ZNF680: variants seen among roughly 807,000 people sequenced by gnomAD.
The protein encoded by ZNF680 is hypothetical protein FLJ90430.
ZNF680 carries 6 observed loss-of-function variants against 12.1 expected under a neutral mutation model. The observed-to-expected ratio is 0.49, with a 90% CI of 0.27 to 0.98. The LOEUF (loss-of-function observed/expected upper bound fraction) is 0.98, where lower values mean the gene tolerates loss of function less well. Among genes scored for constraint, ZNF680 ranks in the 50% least tolerant of loss-of-function variants. The pLI is 0.12. For synonymous variants in ZNF680, 170 were observed against 199.3 expected (o/e 0.85, Z 1.24); for missense variants, 561 against 616.3 (o/e 0.91, Z 0.95).
the ZNF680 span, chr7:64,501,618 GATGATGATA>G: frequency 1.2e-6 from 1 of 806,856 alleles, no homozygotes; most frequent in South Asian, 1.3e-5. Context: ...TCTACTGGAT[GATGATGATA>G]ATGAAGGTGG....
chr7:64,543,601 C>G, intron 3 of ZNF680, 106 bp downstream of exon 3: 2 of 966,104 alleles, frequency 2.1e-6, no homozygotes, highest in Non-Finnish European at 3.1e-6. Context: ...AAACTATTTT[C>G]TCTGGAACAT....
At chr7:64,531,489 C>CGGGTG (rs1562748151) in intron 3 of ZNF680, among the ~76,000 whole-genome samples, 1 of 148,268 alleles carries the variant, frequency 6.7e-6, no homozygotes, top group East Asian at 2.0e-4. Context: ...CCCAGCTACT[C>CGGGTG]GGGTGGTTGA....
At chr7:64,517,001 A>G (rs1791369021), downstream of ZNF680, among the ~76,000 whole-genome samples, 2 of 152,246 alleles carry the variant, frequency 1.3e-5, no homozygotes, top group South Asian at 2.1e-4. Flanking sequence ...TTAAATGTCT[A>G]CATCAAAAAG....
At chr7:64,546,943 T>C (rs962769475) in intron 1 of ZNF680, among the ~76,000 whole-genome samples, 8 of 152,128 alleles carry the variant, frequency 5.3e-5, no homozygotes, top group African/African-American at 1.9e-4. Flanking sequence ...CATACTTGAC[T>C]CTGTCCTCAT....
chr7:64,526,264 A>C (rs765454312), intron 3 of ZNF680: 66 of 1,135,058 alleles, frequency 5.8e-5, no homozygotes, highest in Admixed American at 1.5e-4. Context: ...ATTTTGATGC[A>C]GTAATAAAAT....
chr7:64,545,356 T>C (rs868822377), intron 1 of ZNF680, among the ~76,000 whole-genome samples: 62 of 148,940 alleles, frequency 4.2e-4, no homozygotes, highest in African/African-American at 1.4e-3. Context: ...CAAAGACATA[T>C]ATGCAAATAA....
chr7:64,548,420 C>A (rs1786891002), intron 1 of ZNF680, among the ~76,000 whole-genome samples: 1 of 152,174 alleles, frequency 6.6e-6, no homozygotes, highest in South Asian at 2.1e-4. Flanking sequence ...CTGCTTCAAC[C>A]ATTTATCCAG....
intron 1 of ZNF680, 145 bp from the exon 2 acceptor site, chr7:64,544,577 A>G: frequency 7.4e-7 from 1 of 1,356,556 alleles, no homozygotes; most frequent in Non-Finnish European, 9.6e-7. Flanking sequence ...GTCAAATTAT[A>G]CAATAAAATA....
In ZNF680 at chr7:64,521,614, A is replaced by T. The variant is rs371682049; in HGVS notation, c.1140T>A (p.Cys380Ter). The T allele has an allele frequency of 6.2e-7, 1 of 1,612,378 alleles. No homozygotes were observed. Among genetic ancestry groups the T allele is most frequent in the Non-Finnish European group, 8.5e-7 (1 of 1,179,694 alleles). Residue 380 changes from cysteine (C) to a stop codon, truncating the protein, a stop_gained, in exon 4 of 4, where the codon TGT becomes TGA. Coordinates refer to ENST00000309683, the MANE Select transcript of ZNF680 (RefSeq NM_178558.5). LOFTEE classifies it low-confidence loss of function (END_TRUNC). ...KIHTGEKSYK[C>*]EECGKAFIQS... Reference sequence around the variant, plus strand: ...GTATAAAAGCTTTGCCGCATTCTTCACATTTGTAGGATTTCTCTCCAGTAT... The same window carrying T: ...GTATAAAAGCTTTGCCGCATTCTTCTCATTTGTAGGATTTCTCTCCAGTAT...
chr7:64,520,348 C>T lies in ZNF680; in HGVS notation c.*813G>A, dbSNP rs1021566547. 1.3e-5 allele frequency: 2 copies of T among 151,808 alleles called. No individual in the cohort carries two copies. The highest frequency in any genetic ancestry group is 3.0e-5 in the Non-Finnish European group (2 of 67,694). 9.4% of individuals were successfully genotyped at this position (151,808 alleles called of 1,614,324 possible). A position where few individuals can be genotyped will look rare whatever the true frequency, so the allele number is the denominator to read the frequency against. On this transcript the variant is annotated 3_prime_UTR_variant, in exon 4 of 4. Transcript: ENST00000309683. ...TAATTTTTTCAAGAAAAAAAGTATACTTTCAATGTAATTATAACTCTCCAA... is the reference window on the plus strand; with the variant it reads ...TAATTTTTTCAAGAAAAAAAGTATATTTTCAATGTAATTATAACTCTCCAA...
chr7:64,545,379 A>G (rs927416265), intron 1 of ZNF680, among the ~76,000 whole-genome samples: 1 of 152,144 alleles, frequency 6.6e-6, no homozygotes, highest in Non-Finnish European at 1.5e-5. Context: ...CCTAAGGAAG[A>G]AAGGCAGCTG....
chr7:64,557,338 C>CTT (rs1245197827), intron 1 of ZNF680, among the ~76,000 whole-genome samples: 3 of 151,148 alleles, frequency 2.0e-5, no homozygotes, highest in East Asian at 2.0e-4. Context: ...AGGCAGATCA[C>CTT]AAGGTCAGGA....
chr7:64,544,031 A>G (rs1786646286), intron 2 of ZNF680: 4 of 597,402 alleles, frequency 6.7e-6, no homozygotes, highest in East Asian at 3.5e-5. Context: ...ATTAAATTTT[A>G]AGGTGTGGGC....
chr7:64,544,044 C>G, intron 2 of ZNF680: 1 of 603,652 alleles, frequency 1.7e-6, no homozygotes, highest in Non-Finnish European at 2.7e-6. Flanking sequence ...GTGTGGGCAA[C>G]AACATTTTAT....
At chr7:64,516,924 T>C (rs1236979311), downstream of ZNF680, among the ~76,000 whole-genome samples, 3 of 152,090 alleles carry the variant, frequency 2.0e-5, no homozygotes, top group South Asian at 2.1e-4. Flanking sequence ...TGGAATGATA[T>C]AGTGACAAAA....
chr7:64,532,085 T>C (rs559933171), intron 3 of ZNF680, among the ~76,000 whole-genome samples: 1 of 152,098 alleles, frequency 6.6e-6, no homozygotes, highest in Non-Finnish European at 1.5e-5. Flanking sequence ...GGGGGCAGAT[T>C]ACAAGGTCAG....
chr7:64,534,429 G>C (rs1157617330), intron 3 of ZNF680, among the ~76,000 whole-genome samples: 2 of 152,154 alleles, frequency 1.3e-5, no homozygotes, highest in Non-Finnish European at 2.9e-5. Context: ...CATCACTAAT[G>C]ATCAGGGAAA....
At chr7:64,551,680 G>A (rs940847960) in intron 1 of ZNF680, 2 of 153,702 alleles carry the variant, frequency 1.3e-5, no homozygotes, top group Non-Finnish European at 2.9e-5. Flanking sequence ...GAGTTCCATT[G>A]TGACAGCCCA....
At chr7:64,531,166 C>T (rs900238110) in intron 3 of ZNF680, among the ~76,000 whole-genome samples, 5 of 152,030 alleles carry the variant, frequency 3.3e-5, no homozygotes, top group African/African-American at 9.7e-5. Context: ...ATCCAACAAC[C>T]GCAGAATACA....
Sources: gnomAD v4.1 joint callset for allele counts (sites outside exome capture counted in the v4.1 genomes callset) on GRCh38, gnomAD v4.1.1 for gene constraint, MANE v1.5 for transcripts, NCBI Gene and HGNC (gene_info 2026-07-23, HGNC 2026-07-21) for gene names.